The following SORCS3 variants were observed in gnomAD, a reference collection of about 807,000 sequenced individuals.
SORCS3 encodes VPS10 domain-containing receptor SorCS3.
A neutral mutation model predicts 146.3 loss-of-function variants in SORCS3; 57 were observed. The ratio of observed to expected loss-of-function variants is 0.39; its 90% CI spans 0.31 to 0.49. The LOEUF (loss-of-function observed/expected upper bound fraction) is 0.49, where lower values mean the gene tolerates loss of function less well. Ranked by LOEUF, SORCS3 falls within the 20% of genes least tolerant of loss-of-function variation. SORCS3 has a pLI of 0.92. For missense variants in SORCS3, 1,341 were observed against 1,575.5 expected (o/e 0.85, Z 2.52); for synonymous variants, 653 against 618.5 (o/e 1.06, Z -0.83).
rs2019492740 is a variant in SORCS3, at chr10:104,956,605, T to C, written c.796-20730T>C. Among the ~76,000 whole-genome samples the C allele has an allele frequency of 2.0e-5, 3 of 152,246 alleles. No homozygotes were observed. In the South Asian group the frequency reaches 6.2e-4, roughly 32 times the overall value. ...GTGGTGGTGGTGGAAGTGATTTTTT[T>C]TTTTTAAATTTTACAGTTGAGTAGA... On this transcript the variant is annotated intron_variant, in intron 3 of 26. Coordinates refer to ENST00000369701, the MANE Select transcript of SORCS3 (RefSeq NM_014978.3).
At chr10:104,667,313 C>G (rs1020357196) in intron 1 of SORCS3, among the ~76,000 whole-genome samples, 1 of 152,138 alleles carries the variant, frequency 6.6e-6, no homozygotes. Context: ...CTGCCTATGC[C>G]CCATCTTTTT....
chr10:104,733,025 A>C (rs967544572), intron 1 of SORCS3, among the ~76,000 whole-genome samples: 1 of 152,184 alleles, frequency 6.6e-6, no homozygotes, highest in African/African-American at 2.4e-5. Flanking sequence ...TACAGTACAT[A>C]AGCTGATAAA....
intron 2 of SORCS3, among the ~76,000 whole-genome samples, chr10:104,868,377 C>G (rs960621965): frequency 4.5e-4 from 69 of 152,322 alleles, no homozygotes; most frequent in Non-Finnish European, 4.1e-4. Flanking sequence ...CTAATGTGGT[C>G]TATAAGACAG....
At chr10:104,768,216 G>T (rs886635269) in intron 1 of SORCS3, among the ~76,000 whole-genome samples, 1 of 152,186 alleles carries the variant, frequency 6.6e-6, no homozygotes, top group South Asian at 2.1e-4. Context: ...CATAGGGAAG[G>T]CACCATGAAT....
chr10:104,940,224 ATATATATATATATATTTTT>A (rs1276244911), intron 3 of SORCS3, among the ~76,000 whole-genome samples: 3,168 of 25,846 alleles, frequency 0.12, 147 homozygotes, highest in African/African-American at 0.23. Flanking sequence ...ATATATATAT[ATATATATATATATATTTTT>A]TTTTTTTTTT....
chr10:104,970,772 G>A (rs2054856239), intron 3 of SORCS3, among the ~76,000 whole-genome samples: 1 of 152,174 alleles, frequency 6.6e-6, no homozygotes, highest in Admixed American at 6.5e-5. Context: ...ATAAAAGAGG[G>A]AAAGGACTGT....
intron 1 of SORCS3, among the ~76,000 whole-genome samples, chr10:104,834,687 A>C (rs1589517483): frequency 7.1e-6 from 1 of 140,626 alleles, no homozygotes; most frequent in Non-Finnish European, 1.5e-5. Flanking sequence ...TGACTACTGC[A>C]TTTGTTACCT....
intron 2 of SORCS3, among the ~76,000 whole-genome samples, chr10:104,895,649 C>G (rs903822534): frequency 1.3e-5 from 2 of 152,168 alleles, no homozygotes; most frequent in African/African-American, 4.8e-5. Flanking sequence ...CTGGTCTCAT[C>G]AGCTGTTCTC....
chr10:104,882,751 C>T (rs1288885348), intron 2 of SORCS3, among the ~76,000 whole-genome samples: 1 of 152,206 alleles, frequency 6.6e-6, no homozygotes, highest in Non-Finnish European at 1.5e-5. Flanking sequence ...TGCTTATTCC[C>T]ATCTCCCCAC....
chr10:104,922,461 C>G (rs999548866), intron 3 of SORCS3, among the ~76,000 whole-genome samples: 1 of 152,084 alleles, frequency 6.6e-6, no homozygotes, highest in African/African-American at 2.4e-5. Context: ...AATTCGGATG[C>G]ATGCAGGGGC....
intron 2 of SORCS3, among the ~76,000 whole-genome samples, chr10:104,902,303 TGCCCAGTTGAGCAC>T (rs1218854665): frequency 6.6e-6 from 1 of 152,208 alleles, no homozygotes; most frequent in Non-Finnish European, 1.5e-5. Flanking sequence ...CACCTTCACT[TGCCCAGTTGAGCAC>T]TCCCTTTACC....
At chr10:105,098,434 G>A (rs1472658351) in intron 6 of SORCS3, among the ~76,000 whole-genome samples, 1 of 152,120 alleles carries the variant, frequency 6.6e-6, no homozygotes, top group Non-Finnish European at 1.5e-5. Flanking sequence ...TCACATAGAC[G>A]GCTAGTGACA....
At chr10:104,851,362 C>T (rs1015784974) in intron 2 of SORCS3, among the ~76,000 whole-genome samples, 3 of 152,150 alleles carry the variant, frequency 2.0e-5, no homozygotes, top group African/African-American at 7.2e-5. Flanking sequence ...GTTGTATTCC[C>T]TTTCCTCCAA....
chr10:105,242,334 TTA>T (rs1429830805), intron 20 of SORCS3, among the ~76,000 whole-genome samples: 154 of 128,434 alleles, frequency 1.2e-3, no homozygotes, highest in African/African-American at 3.8e-3. Flanking sequence ...ATACATATAT[TTA>T]TATATATATT....
chr10:104,707,641 A>G (rs1409140069), intron 1 of SORCS3, among the ~76,000 whole-genome samples: 1 of 152,152 alleles, frequency 6.6e-6, no homozygotes, highest in Non-Finnish European at 1.5e-5. Flanking sequence ...ATATAAATGA[A>G]TATCAACGAT....
At chr10:104,731,970 G>A (rs1377127249) in intron 1 of SORCS3, among the ~76,000 whole-genome samples, 3 of 152,138 alleles carry the variant, frequency 2.0e-5, no homozygotes, top group Admixed American at 6.5e-5. Flanking sequence ...GGGAACATTT[G>A]GTAAATTCTC....
intron 3 of SORCS3, among the ~76,000 whole-genome samples, chr10:104,938,929 G>T (rs1357615971): frequency 1.3e-5 from 2 of 152,176 alleles, no homozygotes; most frequent in Non-Finnish European, 2.9e-5. Flanking sequence ...GCCTGTGGAG[G>T]GCTAACTAAT....
At chr10:105,141,342 C>T (rs573974477) in intron 8 of SORCS3, among the ~76,000 whole-genome samples, 13 of 152,278 alleles carry the variant, frequency 8.5e-5, no homozygotes, top group Non-Finnish European at 1.8e-4. Context: ...GGATGGTTAT[C>T]GATCCCCTTT....
At chr10:104,892,523 A>G (rs892527346) in intron 2 of SORCS3, among the ~76,000 whole-genome samples, 2 of 152,060 alleles carry the variant, frequency 1.3e-5, no homozygotes, top group Non-Finnish European at 2.9e-5. Flanking sequence ...GGAGTTGAAA[A>G]CCAGCCTGGC....
Sources: gnomAD v4.1 joint callset for allele counts (sites outside exome capture counted in the v4.1 genomes callset) on GRCh38, gnomAD v4.1.1 for gene constraint, MANE v1.5 for transcripts, NCBI Gene and HGNC (gene_info 2026-07-23, HGNC 2026-07-21) for gene names.